VPS41: variants seen among roughly 807,000 people sequenced by gnomAD.
VPS41 encodes the protein vacuolar protein sorting-associated protein 41 homolog.
VPS41 carries 85 observed loss-of-function variants against 130.9 expected under a neutral mutation model. The ratio of observed to expected loss-of-function variants is 0.65; its 90% confidence interval spans 0.55 to 0.78. The LOEUF (loss-of-function observed/expected upper bound fraction) is 0.78, where lower values mean the gene tolerates loss of function less well. Ranked by LOEUF, VPS41 falls within the 30% of genes least tolerant of loss-of-function variation. The pLI is 0.00. For synonymous variants in VPS41, 335 were observed against 332.9 expected, an observed-to-expected ratio of 1.01 and a Z score of -0.07; for missense variants, 874 against 1,018.7, an observed-to-expected ratio of 0.86 and a Z score of 1.93.
At chr7:38,754,473 C>T (rs1458246230) in intron 21 of VPS41, among the ~76,000 whole-genome samples, 1 of 152,102 alleles carries the variant, frequency 6.6e-6, no homozygotes, top group Non-Finnish European at 1.5e-5. Flanking sequence ...CATCACAATT[C>T]AATTGTGGGT....
intron 6 of VPS41, among the ~76,000 whole-genome samples, chr7:38,820,587 G>A (rs533608378): frequency 2.0e-4 from 30 of 152,088 alleles, no homozygotes; most frequent in Non-Finnish European, 3.8e-4. Context: ...GTAATTTCTA[G>A]TTATCTACCA....
rs545900416 is a variant in VPS41 at position 38,750,999 on chromosome 7, T to C, written c.1926+1177A>G. Among the ~76,000 whole-genome samples, 173 of 152,346 alleles carry C rather than the reference T, an allele frequency of 1.1e-3. 2 individuals are homozygous for C. Among genetic ancestry groups the C allele is most frequent in the African/African-American group, 3.9e-3 (164 of 41,582 alleles). On this transcript the variant is annotated intron_variant, in intron 22 of 28. Transcript: ENST00000310301. ...CCTATGTTGAGAGAAGAGGGTAGTA[T>C]CTGTTTTTACTTTTAGAGTAAGATA...
intron 25 of VPS41, 36 bp from the exon 26 acceptor site, chr7:38,728,827 G>GATTGTATCTGTTTAGTTTATTATCTA: frequency 6.3e-7 from 1 of 1,593,304 alleles, no homozygotes; most frequent in Non-Finnish European, 8.6e-7. Context: ...GCCATCTTAA[G>GATTGTATCTGTTTAGTTTATTATCTA]TAGACTCAAA....
chr7:38,876,138 G>T (rs998922187), intron 2 of VPS41, among the ~76,000 whole-genome samples: 1 of 152,124 alleles, frequency 6.6e-6, no homozygotes, highest in African/African-American at 2.4e-5. Context: ...AGAGGCCAGG[G>T]ATTATGCTAA....
At chr7:38,740,920 G>C (rs112118641) in intron 25 of VPS41, among the ~76,000 whole-genome samples, 7 of 152,148 alleles carry the variant, frequency 4.6e-5, no homozygotes, top group African/African-American at 1.7e-4. Flanking sequence ...TTTTGAACAC[G>C]TATACACCAT....
intron 5 of VPS41, among the ~76,000 whole-genome samples, chr7:38,824,646 G>C (rs999067514): frequency 6.6e-6 from 1 of 152,030 alleles, no homozygotes; most frequent in African/African-American, 2.4e-5. Context: ...GAGTAGAATA[G>C]AACAACAACA....
chr7:38,737,989 C>T (rs1230540373), intron 25 of VPS41, among the ~76,000 whole-genome samples: 1 of 152,202 alleles, frequency 6.6e-6, no homozygotes, highest in African/African-American at 2.4e-5. Flanking sequence ...AATCTAGCCC[C>T]TGCTCCCTTT....
intron 4 of VPS41, among the ~76,000 whole-genome samples, chr7:38,833,119 T>G (rs1224605558): frequency 1.3e-5 from 2 of 152,186 alleles, no homozygotes; most frequent in Non-Finnish European, 2.9e-5. Flanking sequence ...ATCTAATCTT[T>G]CACAACTCCT....
chr7:38,745,912 C>T (rs1055996910), intron 22 of VPS41: 1 of 302,612 alleles, frequency 3.3e-6, no homozygotes, highest in African/African-American at 2.2e-5. Flanking sequence ...TAAGCTTTCT[C>T]TCTTTACACT....
chr7:38,864,318 C>G (rs554713443), intron 3 of VPS41, among the ~76,000 whole-genome samples: 1 of 152,110 alleles, frequency 6.6e-6, no homozygotes, highest in Non-Finnish European at 1.5e-5. Flanking sequence ...TTAATTCCTT[C>G]CCTTCTTTTT....
intron 2 of VPS41, among the ~76,000 whole-genome samples, chr7:38,889,304 C>T (rs10254873): frequency 0.93 from 140,793 of 151,418 alleles, 65,591 homozygotes; most frequent in East Asian, 1. Context: ...CCAAATAAGA[C>T]AAATAAAAGA....
chr7:38,868,166 TG>T (rs1786268912), intron 3 of VPS41, among the ~76,000 whole-genome samples: 1 of 152,002 alleles, frequency 6.6e-6, no homozygotes. Flanking sequence ...GAAATTTGGT[TG>T]AAGAACTACA....
At chr7:38,788,313 C>A (rs756982832) in intron 10 of VPS41, among the ~76,000 whole-genome samples, 1 of 152,168 alleles carries the variant, frequency 6.6e-6, no homozygotes, top group Non-Finnish European at 1.5e-5. Flanking sequence ...CCATTTTTAA[C>A]GCTATAGTAG....
chr7:38,852,464 G>A (rs1002017409), intron 4 of VPS41, among the ~76,000 whole-genome samples: 1 of 152,158 alleles, frequency 6.6e-6, no homozygotes, highest in Non-Finnish European at 1.5e-5. Flanking sequence ...CTTGGTTGTG[G>A]TCATTGGGTT....
At chr7:38,754,098 C>T (rs1783740167) in intron 21 of VPS41, among the ~76,000 whole-genome samples, 1 of 151,844 alleles carries the variant, frequency 6.6e-6, no homozygotes, top group African/African-American at 2.4e-5. Flanking sequence ...AGTAGCCCCC[C>T]AAAGAAATCT....
Position 38,745,450 on chromosome 7 carries a change from A to G in VPS41, c.1981+109T>C, listed in dbSNP as rs576587505. ...TAAATTATTGTAAAAATAGGCTCAT[A>G]TTCTGTGTTACGTTGGTCTAAAACC... is the stretch of plus-strand genomic sequence containing the variant. On this transcript the variant is annotated intron_variant, in intron 23 of 28. Transcript: ENST00000310301. 18 of 830,574 alleles carry G rather than the reference A, an allele frequency of 2.2e-5. No individual in the cohort carries two copies. The South Asian group carries it at 2.6e-4, about 12-fold the overall frequency. 51.5% of individuals were successfully genotyped at this position (830,574 alleles called of 1,614,324 possible).
At chr7:38,728,828 T>G in intron 25 of VPS41, 37 bp from the exon 26 acceptor site, 2 of 1,588,742 alleles carry the variant, frequency 1.3e-6, no homozygotes, top group Admixed American at 1.7e-5. Context: ...CCATCTTAAG[T>G]AGACTCAAAT....
intron 2 of VPS41, among the ~76,000 whole-genome samples, chr7:38,888,210 C>A (rs1786777701): frequency 6.6e-6 from 1 of 152,112 alleles, no homozygotes; most frequent in African/African-American, 2.4e-5. Flanking sequence ...GGGCTAAATG[C>A]CCCAATTAAA....
intron 7 of VPS41, chr7:38,797,096 C>T (rs779079180): frequency 3.0e-5 from 12 of 404,056 alleles, no homozygotes; most frequent in Non-Finnish European, 5.3e-5. Context: ...TACTACAAGG[C>T]CAAGCCACAA....
Sources: gnomAD v4.1 joint callset for allele counts (sites outside exome capture counted in the v4.1 genomes callset) on GRCh38, gnomAD v4.1.1 for gene constraint, MANE v1.5 for transcripts, NCBI Gene and HGNC (gene_info 2026-07-23, HGNC 2026-07-21) for gene names.